MARCHF5: variants seen among roughly 807,000 people sequenced by gnomAD.
The protein encoded by MARCHF5 is E3 ubiquitin-protein ligase MARCHF5.
MARCHF5 carries 5 observed loss-of-function variants against 36.5 expected under a neutral mutation model. The ratio of observed to expected loss-of-function variants is 0.14; its 90% CI spans 0.07 to 0.29. The LOEUF is 0.29. MARCHF5 is among the 10% of genes least tolerant of loss of function. MARCHF5 has a pLI of 1.00. For synonymous variants in MARCHF5, 103 were observed against 109.9 expected (o/e 0.94, Z 0.39); for missense variants, 179 against 336.3 (o/e 0.53, Z 3.66).
At chr10:92,331,119 CTG>C (rs142186789) in intron 2 of MARCHF5, among the ~76,000 whole-genome samples, 2,896 of 152,192 alleles carry the variant, frequency 0.019, 79 homozygotes, top group African/African-American at 0.065. Context: ...GAAAAAAAGA[CTG>C]TGTTATACAG....
Position 92,311,244 on chromosome 10 carries a change from C to T in MARCHF5, c.145C>T (p.Arg49Cys), listed in dbSNP as rs1052564009. 7.4e-6 allele frequency: 12 copies of T among 1,613,998 alleles called. No individual in the cohort carries two copies. Among genetic ancestry groups the T allele is most frequent in the Admixed American group, 1.7e-5 (1 of 60,008 alleles). The change falls in exon 2 of 6, where the codon CGC (arginine) becomes TGC (cysteine). Residue 49 changes from arginine to cysteine, a missense_variant. Arg to Cys is a radical substitution (Grantham distance 180). Transcript: ENST00000358935. ...ATGGGTTCACCAGGCCTGTCTACAA[C>T]GCTGGGTGGATGAAAAGCAAAGAGG... ...TKWVHQACLQ[R>C]WVDEKQRGNS... is the part of the protein sequence containing the mutation.
chr10:92,309,183 G>A, intron 1 of MARCHF5, among the ~76,000 whole-genome samples: 1 of 152,168 alleles, frequency 6.6e-6, no homozygotes, highest in East Asian at 1.9e-4. Flanking sequence ...TATATGGGTA[G>A]TCACTGAACA....
intron 1 of MARCHF5, among the ~76,000 whole-genome samples, chr10:92,301,131 C>G (rs910018667): frequency 6.6e-6 from 1 of 152,112 alleles, no homozygotes; most frequent in Non-Finnish European, 1.5e-5. Flanking sequence ...AAGCAGTCCT[C>G]CCCACTCAGC....
In MARCHF5 at chr10:92,336,254, C is replaced by T. The variant is rs149411471; in HGVS notation, c.239-4419C>T. Among the ~76,000 whole-genome samples, 840 of 152,330 alleles carry T rather than the reference C, an allele frequency of 5.5e-3. 9 individuals are homozygous for T. Among genetic ancestry groups the T allele is most frequent in the African/African-American group, 0.019 (800 of 41,562 alleles). ...GTTTCACCATGTTAGCCATGCTGGT[C>T]TCAAACTCCTGACCTCAGGTGATCC... On this transcript the variant is annotated intron_variant, in intron 2 of 5. Transcript: ENST00000358935.
intron 2 of MARCHF5, among the ~76,000 whole-genome samples, chr10:92,318,594 G>A (rs1171774970): frequency 6.6e-6 from 1 of 151,670 alleles, no homozygotes; most frequent in Non-Finnish European, 1.5e-5. Context: ...ATGGTGGTGT[G>A]CACCTGGGGT....
intron 2 of MARCHF5, among the ~76,000 whole-genome samples, chr10:92,328,801 T>TTATATATATATATATA (rs748902839): frequency 2.2e-5 from 3 of 137,262 alleles, no homozygotes; most frequent in African/African-American, 8.1e-5. Flanking sequence ...AGTGAGGTTA[T>TTATATATATATATATA]TATATATATA....
At chr10:92,318,331 C>G (rs1287513667) in intron 2 of MARCHF5, among the ~76,000 whole-genome samples, 1 of 151,472 alleles carries the variant, frequency 6.6e-6, no homozygotes, top group Non-Finnish European at 1.5e-5. Context: ...GAGGCTGAGG[C>G]GCTAGAATCA....
At chr10:92,294,361 C>T (rs961448377) in intron 1 of MARCHF5, among the ~76,000 whole-genome samples, 2 of 152,168 alleles carry the variant, frequency 1.3e-5, no homozygotes, top group Non-Finnish European at 2.9e-5. Flanking sequence ...TATAAAACAG[C>T]AAAACACTCT....
chr10:92,311,892 C>A (rs1480802695), intron 2 of MARCHF5, among the ~76,000 whole-genome samples: 1 of 152,040 alleles, frequency 6.6e-6, no homozygotes, highest in Non-Finnish European at 1.5e-5. Flanking sequence ...ACAGGCCTAG[C>A]ATGGAAAAAA....
intron 2 of MARCHF5, among the ~76,000 whole-genome samples, chr10:92,314,415 G>A (rs560158364): frequency 6.6e-6 from 1 of 152,186 alleles, no homozygotes; most frequent in Admixed American, 6.5e-5. Flanking sequence ...GCCAAGGCAG[G>A]CGGATCACCT....
At chr10:92,350,844 A>G (rs992499222) in intron 5 of MARCHF5, among the ~76,000 whole-genome samples, 5 of 152,132 alleles carry the variant, frequency 3.3e-5, no homozygotes, top group Non-Finnish European at 7.4e-5. Context: ...AACTACATGG[A>G]AGAAAGACTA....
At chr10:92,323,701 C>T (rs534800524) in intron 2 of MARCHF5, among the ~76,000 whole-genome samples, 2 of 152,256 alleles carry the variant, frequency 1.3e-5, no homozygotes, top group East Asian at 3.9e-4. Context: ...TAGTAACATG[C>T]ATTTAATTTC....
chr10:92,309,275 G>C (rs1019212258), intron 1 of MARCHF5, among the ~76,000 whole-genome samples: 2 of 152,078 alleles, frequency 1.3e-5, no homozygotes, highest in African/African-American at 4.8e-5. Flanking sequence ...AATTTATAAG[G>C]AATATAATAG....
intron 2 of MARCHF5, among the ~76,000 whole-genome samples, chr10:92,325,567 G>T (rs1307608288): frequency 1.3e-5 from 2 of 152,080 alleles, no homozygotes; most frequent in African/African-American, 4.8e-5. Context: ...TAGCAATTTT[G>T]TCATAAAAAT....
chr10:92,335,632 C>G (rs1189341464), intron 2 of MARCHF5, among the ~76,000 whole-genome samples: 3 of 152,162 alleles, frequency 2.0e-5, no homozygotes, highest in Admixed American at 6.5e-5. Flanking sequence ...TCTGGTACAT[C>G]TTTTGCCTAT....
chr10:92,293,521 A>T (rs1381516292), intron 1 of MARCHF5, among the ~76,000 whole-genome samples: 1 of 151,782 alleles, frequency 6.6e-6, no homozygotes, highest in Non-Finnish European at 1.5e-5. Context: ...TTGTAATCCC[A>T]GCACTTTGGG....
intron 2 of MARCHF5, among the ~76,000 whole-genome samples, chr10:92,316,521 C>T (rs1303332632): frequency 6.6e-6 from 1 of 152,108 alleles, no homozygotes; most frequent in African/African-American, 2.4e-5. Flanking sequence ...GAACACCACC[C>T]CCTTCCTCCA....
chr10:92,330,983 C>T (rs951463418), intron 2 of MARCHF5, among the ~76,000 whole-genome samples: 11 of 152,120 alleles, frequency 7.2e-5, no homozygotes, highest in African/African-American at 2.7e-4. Context: ...AGGTTACCTT[C>T]CTCAGGGTAA....
chr10:92,342,710 A>T (rs909294020), intron 3 of MARCHF5, among the ~76,000 whole-genome samples: 1 of 152,194 alleles, frequency 6.6e-6, no homozygotes, highest in African/African-American at 2.4e-5. Context: ...CCATTGCCTT[A>T]AGTAGTAGTC....
Sources: gnomAD v4.1 joint callset for allele counts (sites outside exome capture counted in the v4.1 genomes callset) on GRCh38, gnomAD v4.1.1 for gene constraint, MANE v1.5 for transcripts, NCBI Gene and HGNC (gene_info 2026-07-23, HGNC 2026-07-21) for gene names.